The following RASGRP3 variants were observed in gnomAD, a reference collection of about 807,000 sequenced individuals.
The protein encoded by RASGRP3 is ras guanyl-releasing protein 3.
A neutral mutation model predicts 82.7 loss-of-function variants in RASGRP3; 54 were observed. The ratio of observed to expected loss-of-function variants is 0.65; its 90% CI spans 0.52 to 0.82. RASGRP3 has a LOEUF of 0.82. Among genes scored for constraint, RASGRP3 ranks in the 40% least tolerant of loss-of-function variants. RASGRP3 has a pLI of 0.00. For synonymous variants in RASGRP3, 309 were observed against 300.5 expected, an observed-to-expected ratio of 1.03 and a Z score of -0.29; for missense variants, 861 against 828.9, an observed-to-expected ratio of 1.04 and a Z score of -0.48.
chr2:33,495,091 A>G lies in RASGRP3; in HGVS notation c.-260-16619A>G, dbSNP rs552320938. ...TCCACTCCACAAACAGTAACATTCC[A>G]AAGATCTGCACTTTGAAAGATCCTC... On this transcript the variant is annotated intron_variant, in intron 1 of 17. Coordinates refer to ENST00000403687, the MANE Select transcript of RASGRP3 (RefSeq NM_001139488.2). Among the ~76,000 whole-genome samples the G allele has an allele frequency of 3.3e-4, 50 of 152,338 alleles. 1 individual carries two copies. In the South Asian group the frequency reaches 0.01, roughly 32 times the overall value.
intron 1 of RASGRP3, among the ~76,000 whole-genome samples, chr2:33,484,428 A>T (rs1574307230): frequency 6.6e-6 from 1 of 152,228 alleles, no homozygotes; most frequent in Non-Finnish European, 1.5e-5. Context: ...TGAACTTTGA[A>T]TTCTGCTCAG....
chr2:33,465,575 G>T (rs1281118998), intron 2 of RASGRP3, among the ~76,000 whole-genome samples: 2 of 152,188 alleles, frequency 1.3e-5, no homozygotes, highest in Non-Finnish European at 2.9e-5. Context: ...GAAATCTTAA[G>T]TGCTGATGGA....
chr2:33,553,825 A>T (rs575313760), intron 14 of RASGRP3, among the ~76,000 whole-genome samples: 4 of 151,718 alleles, frequency 2.6e-5, no homozygotes, highest in African/African-American at 9.7e-5. Flanking sequence ...TGCAACCTCT[A>T]CCTCCTGGGT....
At chr2:33,547,169 A>G (rs1235529861) in intron 13 of RASGRP3, among the ~76,000 whole-genome samples, 2 of 151,808 alleles carry the variant, frequency 1.3e-5, no homozygotes, top group Admixed American at 1.3e-4. Flanking sequence ...AAAACCAAAT[A>G]CCACAGGTTC....
intron 2 of RASGRP3, among the ~76,000 whole-genome samples, chr2:33,454,571 C>T: frequency 6.6e-6 from 1 of 152,214 alleles, no homozygotes; most frequent in Admixed American, 6.5e-5. Flanking sequence ...CATTATCTAC[C>T]TTTGTTTCCT....
chr2:33,477,949 G>A (rs1430982191), intron 1 of RASGRP3, among the ~76,000 whole-genome samples: 3 of 152,224 alleles, frequency 2.0e-5, no homozygotes, highest in East Asian at 1.9e-4. Context: ...TTGTTTCCTC[G>A]TGTGACAAAT....
intron 1 of RASGRP3, among the ~76,000 whole-genome samples, chr2:33,492,431 T>C (rs1218280375): frequency 6.6e-6 from 1 of 152,126 alleles, no homozygotes; most frequent in Non-Finnish European, 1.5e-5. Flanking sequence ...CAGTCCTTGG[T>C]TGAGAGCCTA....
At chr2:33,520,510 A>C in intron 5 of RASGRP3, 43 bp from the exon 6 acceptor site, 1 of 1,609,812 alleles carries the variant, frequency 6.2e-7, no homozygotes, top group Non-Finnish European at 8.5e-7. Context: ...TAGATAACCA[A>C]CTTGCAATCT....
rs531119030 is a variant in RASGRP3 at position 33,529,232 on chromosome 2, A to C, written c.1083+1820A>C. On this transcript the variant is annotated intron_variant, in intron 10 of 17. Transcript: ENST00000403687. Reference sequence around the variant, plus strand: ...AGTACTGGCTGGGCGTGGTGGCTCAAGCCTGTAATTCCAGCACTTTGGGAG... The same window carrying C: ...AGTACTGGCTGGGCGTGGTGGCTCACGCCTGTAATTCCAGCACTTTGGGAG... Among the ~76,000 whole-genome samples, 179 of 152,068 alleles carry C rather than the reference A, an allele frequency of 1.2e-3. 1 individual carries two copies. The highest frequency in any genetic ancestry group is 5.0e-3 in the East Asian group (26 of 5,174).
At chr2:33,502,893 G>C (rs932876606) in intron 1 of RASGRP3, among the ~76,000 whole-genome samples, 5 of 151,998 alleles carry the variant, frequency 3.3e-5, no homozygotes, top group African/African-American at 1.2e-4. Flanking sequence ...TGTCTCTCTA[G>C]ATCCACTAAT....
chr2:33,524,363 T>G, intron 8 of RASGRP3, 69 bp from the exon 9 acceptor site: 1 of 1,048,074 alleles, frequency 9.5e-7, no homozygotes, highest in East Asian at 2.6e-5. Context: ...TGCATAAATT[T>G]ACTTGTAATT....
At chr2:33,450,729 A>AATACTCAG (rs898745727) in intron 2 of RASGRP3, among the ~76,000 whole-genome samples, 4 of 151,342 alleles carry the variant, frequency 2.6e-5, no homozygotes, top group African/African-American at 9.7e-5. Context: ...TCTTTGGATA[A>AATACTCAG]ATACTCAGAA....
intron 2 of RASGRP3, among the ~76,000 whole-genome samples, chr2:33,457,111 T>G (rs1198247632): frequency 1.3e-5 from 2 of 151,986 alleles, no homozygotes; most frequent in Non-Finnish European, 2.9e-5. Flanking sequence ...CCTCAAGTGT[T>G]CCACCCGCTT....
At chr2:33,482,332 T>C (rs72804223) in intron 1 of RASGRP3, 6,667 of 152,282 alleles carry the variant, frequency 0.044, 407 homozygotes, top group African/African-American at 0.14. Context: ...GGGTAATGTT[T>C]TTAAAGGAAC....
At chr2:33,465,106 A>C (rs1435439025) in intron 2 of RASGRP3, among the ~76,000 whole-genome samples, 1 of 152,228 alleles carries the variant, frequency 6.6e-6, no homozygotes, top group Non-Finnish European at 1.5e-5. Flanking sequence ...CAAACAGCCA[A>C]ATTGTGACTA....
At chr2:33,465,130 C>A (rs1374637234) in intron 2 of RASGRP3, among the ~76,000 whole-genome samples, 1 of 152,198 alleles carries the variant, frequency 6.6e-6, no homozygotes, top group Non-Finnish European at 1.5e-5. Context: ...AGGAAAAGTT[C>A]TTTAAGGAAA....
Position 33,556,408 on chromosome 2 carries a change from C to T in RASGRP3, c.1579+841C>T, listed in dbSNP as rs113173474. On this transcript the variant is annotated intron_variant, in intron 15 of 17. Transcript: ENST00000403687. ...GACTACAGGCGCCCGCCACCGCGCC[C>T]GGCTAATTTTTTGTATTTTTAGTAG... 6.6e-3 allele frequency among the ~76,000 whole-genome samples: 811 copies of T among 122,084 alleles called. 190 individuals carry two copies. Among genetic ancestry groups the T allele is most frequent in the African/African-American group, 0.03 (732 of 24,666 alleles). The allele number at this position is 122,084 out of a possible 152,430, so 80.1% of individuals were successfully genotyped here.
chr2:33,463,371 T>C (rs567861024), intron 2 of RASGRP3, among the ~76,000 whole-genome samples: 12 of 152,210 alleles, frequency 7.9e-5, no homozygotes, highest in African/African-American at 2.6e-4. Flanking sequence ...GCTAGTATGT[T>C]TTAAAAAGTG....
chr2:33,515,092 T>G lies in RASGRP3; in HGVS notation c.-45T>G. ...TGCATGATTATGGAGATGGTCTATC[T>G]GATGCTGAAAATGTCTCTAGTTTTT... is the stretch of plus-strand genomic sequence containing the variant. On this transcript the variant is annotated 5_prime_UTR_variant, in exon 3 of 18. Coordinates refer to ENST00000403687, the MANE Select transcript of RASGRP3 (RefSeq NM_001139488.2). The G allele has an allele frequency of 6.3e-7, 1 of 1,579,838 alleles. No homozygotes were observed. The highest frequency in any genetic ancestry group is 1.3e-5 in the African/African-American group (1 of 74,248).
Sources: allele counts gnomAD v4.1 joint callset (sites outside exome capture counted in the v4.1 genomes callset), GRCh38; gene constraint gnomAD v4.1.1; transcripts MANE v1.5; gene names NCBI Gene and HGNC (gene_info 2026-07-23, HGNC 2026-07-21).